TLR2: variants seen among roughly 807,000 people sequenced by gnomAD.
TLR2 encodes toll like receptor 2, also known as toll-like receptor 2.
TLR2 carries 7 observed loss-of-function variants against 9.1 expected under a neutral mutation model. That is an observed-to-expected ratio of 0.77 (90% confidence interval 0.44 to 1.44). The LOEUF is 1.44. TLR2 is among the 40% of genes most tolerant of loss of function. The pLI is 0.01. For missense variants in TLR2, 812 were observed against 904.6 expected (o/e 0.90, Z 1.31); for synonymous variants, 317 against 344.6 (o/e 0.92, Z 0.89).
At chr4:153,710,597 C>T, downstream of TLR2, 2 of 1,056,080 alleles carry the variant, frequency 1.9e-6, no homozygotes, top group South Asian at 1.6e-5. Context: ...TATTTCCTTT[C>T]TTGTTAATTC....
intron 2 of TLR2, among the ~76,000 whole-genome samples, chr4:153,690,082 C>A (rs995082055): frequency 2.0e-5 from 3 of 152,206 alleles, no homozygotes; most frequent in Admixed American, 6.5e-5. Context: ...ATAACCTCTA[C>A]CCCAAGTTAT....
In TLR2 at chr4:153,704,325, C is replaced by A; in HGVS notation, c.1418C>A (p.Ser473Tyr). ...AGCAACAACAATCTCAATTTATTTT[C>A]TTTGAATTTGCCGCAACTCAAAGAA... is the stretch of plus-strand genomic sequence containing the variant. The part of the protein sequence containing the change: ...DVSNNNLNLF[S>Y]LNLPQLKELY... Residue 473 changes from serine (S) to tyrosine (Y), a missense_variant, in exon 3 of 3, where the codon TCT (serine) becomes TAT (tyrosine). By Grantham distance (144) the Ser-to-Tyr change is moderately radical. Coordinates refer to ENST00000642700, the MANE Select transcript of TLR2 (RefSeq NM_001318789.2). The A allele has an allele frequency of 1.2e-6, 2 of 1,613,468 alleles. No individual in the cohort carries two copies. The highest frequency in any genetic ancestry group is 1.7e-6 in the Non-Finnish European group (2 of 1,179,886).
intron 2 of TLR2, among the ~76,000 whole-genome samples, chr4:153,693,116 C>G (rs1348310424): frequency 6.6e-6 from 1 of 152,230 alleles, no homozygotes; most frequent in Non-Finnish European, 1.5e-5. Context: ...CCTGGCTCTG[C>G]TTTCCAGGGA....
At chr4:153,691,825 T>C (rs1315398730) in intron 2 of TLR2, among the ~76,000 whole-genome samples, 1 of 152,170 alleles carries the variant, frequency 6.6e-6, no homozygotes, top group Non-Finnish European at 1.5e-5. Context: ...GGTAGTGTCA[T>C]TTACTAAGGT....
At chr4:153,692,921 CT>C (rs1158685611) in intron 2 of TLR2, among the ~76,000 whole-genome samples, 6 of 152,324 alleles carry the variant, frequency 3.9e-5, no homozygotes, top group Non-Finnish European at 8.8e-5. Flanking sequence ...GCTCCTGTAT[CT>C]ACCAAACTTT....
chr4:153,698,881 C>G (rs1414843741), intron 2 of TLR2, among the ~76,000 whole-genome samples: 1 of 152,296 alleles, frequency 6.6e-6, no homozygotes, highest in Middle Eastern at 3.4e-3. Context: ...ACTACCTGTT[C>G]AAATTGCACA....
intron 2 of TLR2, 47 bp from the exon 3 acceptor site, chr4:153,702,845 A>G: frequency 6.7e-7 from 1 of 1,498,102 alleles, no homozygotes; most frequent in Non-Finnish European, 9.0e-7. Flanking sequence ...TAGAATTACG[A>G]TATGCTGTCA....
chr4:153,695,242 C>G (rs1736410389), intron 2 of TLR2, among the ~76,000 whole-genome samples: 1 of 152,142 alleles, frequency 6.6e-6, no homozygotes, highest in Non-Finnish European at 1.5e-5. Flanking sequence ...TTTTGAGGAA[C>G]CTCCAAATTG....
chr4:153,703,594 G>C lies in TLR2; in HGVS notation c.687G>C (p.Leu229=), dbSNP rs762029047. 6.2e-7 allele frequency: 1 copy of C among 1,614,094 alleles called. No homozygotes were observed. Among genetic ancestry groups the C allele is most frequent in the Non-Finnish European group, 8.5e-7 (1 of 1,180,008 alleles). The change falls in exon 3 of 3, where the codon CTG becomes CTC. Residue 229 remains leucine, a synonymous_variant. Transcript: ENST00000642700. ...CAAGTTCCGTGGAATGTTTGGAACTGCGAGATACTGATTTGGACACTTTCC... is the reference window on the plus strand; with the variant it reads ...CAAGTTCCGTGGAATGTTTGGAACTCCGAGATACTGATTTGGACACTTTCC... The part of the protein sequence containing the change: ...DVTSSVECLE[L]RDTDLDTFHF...
chr4:153,684,871 C>T (rs552080297), intron 1 of TLR2, among the ~76,000 whole-genome samples: 1 of 152,342 alleles, frequency 6.6e-6, no homozygotes, highest in South Asian at 2.1e-4. Flanking sequence ...CCTCCCGCTT[C>T]CCTGATTCCC....
chr4:153,701,461 T>C (rs1374776878), intron 2 of TLR2: 6 of 152,192 alleles, frequency 3.9e-5, no homozygotes, highest in African/African-American at 1.4e-4. Flanking sequence ...TACATTTCTG[T>C]TCTTTATAAA....
At position 153,690,815 on chromosome 4, in the gene TLR2, C is replaced by T. The variant is rs190638667; in HGVS notation, c.-17+2768C>T. On this transcript the variant is annotated intron_variant, in intron 2 of 2. Coordinates refer to ENST00000642700, the MANE Select transcript of TLR2 (RefSeq NM_001318789.2). Reference sequence around the variant, plus strand: ...ATTAGATATTGCAGTAGCAACTAGGCGATCAGCCATTTGATTCCCTTCAGT... The same window carrying T: ...ATTAGATATTGCAGTAGCAACTAGGTGATCAGCCATTTGATTCCCTTCAGT... Among the ~76,000 whole-genome samples the T allele has an allele frequency of 4.1e-3, 621 of 152,286 alleles. 5 individuals are homozygous for T. The highest frequency in any genetic ancestry group is 0.013 in the African/African-American group (558 of 41,560).
Position 153,703,635 on chromosome 4 carries a change from C to A in TLR2, c.728C>A (p.Ser243Tyr), listed in dbSNP as rs547628858. The A allele has an allele frequency of 5.0e-6, 8 of 1,613,350 alleles. No individual in the cohort carries two copies. Among genetic ancestry groups the A allele is most frequent in the Non-Finnish European group, 5.9e-6 (7 of 1,179,830 alleles). ...GACACTTTCCATTTTTCAGAACTAT[C>A]CACTGGTGAAACAAATTCATTGATT... Reference protein sequence around the residue: ...DLDTFHFSELSTGETNSLIKK... With the variant: ...DLDTFHFSELYTGETNSLIKK... The change falls in exon 3 of 3, where the codon TCC becomes TAC. Residue 243 changes from serine (S) to tyrosine (Y), a missense_variant. Physicochemically the swap from Ser to Tyr is moderately radical, Grantham distance 144 (BLOSUM62 -2). Coordinates refer to ENST00000642700, the MANE Select transcript of TLR2 (RefSeq NM_001318789.2).
At chr4:153,702,786 G>A in intron 2 of TLR2, 106 bp from the exon 3 acceptor site, 1 of 655,684 alleles carries the variant, frequency 1.5e-6, no homozygotes, top group Non-Finnish European at 2.6e-6. Context: ...GTGTGTGTGT[G>A]TGTGTGTGTG....
In TLR2 at chr4:153,688,958, G is replaced by A. The variant is rs866395552; in HGVS notation, c.-17+911G>A. On this transcript the variant is annotated intron_variant, in intron 2 of 2. Coordinates refer to ENST00000642700, the MANE Select transcript of TLR2 (RefSeq NM_001318789.2). ...CTACTTCTTGCAGGAGTCGGGATTCGCATATGCATACTATACAAAGACAAA... is the reference window on the plus strand; with the variant it reads ...CTACTTCTTGCAGGAGTCGGGATTCACATATGCATACTATACAAAGACAAA... 2.0e-5 allele frequency among the ~76,000 whole-genome samples: 3 copies of A among 152,146 alleles called. No individual in the cohort carries two copies. In the South Asian group the frequency reaches 6.2e-4, roughly 32 times the overall value.
At chr4:153,685,368 G>A (rs534783461) in intron 1 of TLR2, among the ~76,000 whole-genome samples, 1 of 152,264 alleles carries the variant, frequency 6.6e-6, no homozygotes, top group South Asian at 2.1e-4. Context: ...GGGTGGGGGC[G>A]GAGAAAGAGA....
chr4:153,686,644 A>G (rs1012937154), intron 1 of TLR2, among the ~76,000 whole-genome samples: 1 of 152,230 alleles, frequency 6.6e-6, no homozygotes, highest in Non-Finnish European at 1.5e-5. Flanking sequence ...TTCACTGAGA[A>G]GAAATAAAAA....
At position 153,703,647 on chromosome 4, in the gene TLR2, CAA is replaced by C. The variant is rs777819675; in HGVS notation, c.742_743del (p.Asn248PhefsTer4). 5.6e-6 allele frequency: 9 copies of C among 1,613,186 alleles called. No individual in the cohort carries two copies. The East Asian group carries it at 2.0e-4, about 36-fold the overall frequency. ...TTTTCAGAACTATCCACTGGTGAAA[CAA>C]ATTCATTGATTAAAAAGTTTACATT... On this transcript the variant is annotated frameshift_variant, in exon 3 of 3. Coordinates refer to ENST00000642700, the MANE Select transcript of TLR2 (RefSeq NM_001318789.2). LOFTEE classifies it low-confidence loss of function (END_TRUNC).
chr4:153,703,245 C>T lies in TLR2; in HGVS notation c.338C>T (p.Ser113Phe). 6.2e-7 allele frequency: 1 copy of T among 1,613,920 alleles called. No individual in the cohort carries two copies. Among genetic ancestry groups the T allele is most frequent in the Non-Finnish European group, 8.5e-7 (1 of 1,179,970 alleles). The change falls in exon 3 of 3, where the codon TCT becomes TTT. Residue 113 changes from serine (S) to phenylalanine (F), a missense_variant. Transcript: ENST00000642700. ...EHLDLSYNYL[S>F]NLSSSWFKPL... The stretch of plus-strand genomic sequence containing the variant: ...TTAGACTTATCCTATAATTACTTAT[C>T]TAATTTATCGTCTTCCTGGTTCAAG...
Sources: allele counts gnomAD v4.1 joint callset (sites outside exome capture counted in the v4.1 genomes callset), GRCh38; gene constraint gnomAD v4.1.1; transcripts MANE v1.5; gene names NCBI Gene and HGNC (gene_info 2026-07-23, HGNC 2026-07-21).